The following L3MBTL1 variants were observed in gnomAD, a reference collection of about 807,000 sequenced individuals.
L3MBTL1 encodes the protein lethal(3)malignant brain tumor-like protein 1.
A neutral mutation model predicts 105.3 loss-of-function variants in L3MBTL1; 75 were observed. The ratio of observed to expected loss-of-function variants is 0.71; its 90% confidence interval spans 0.59 to 0.86. L3MBTL1 has a LOEUF of 0.86. Among genes scored for constraint, L3MBTL1 ranks in the 40% least tolerant of loss-of-function variants. L3MBTL1 has a pLI of 0.00. For synonymous variants in L3MBTL1, 452 were observed against 436.2 expected (o/e 1.04, Z -0.45); for missense variants, 1,069 against 1,126.4 (o/e 0.95, Z 0.73).
intron 3 of L3MBTL1, among the ~76,000 whole-genome samples, 186 bp downstream of exon 3, chr20:43,514,247 A>T (rs528503465): frequency 6.6e-6 from 1 of 150,950 alleles, no homozygotes; most frequent in Non-Finnish European, 1.5e-5. Context: ...GGCCCTGGGG[A>T]CTATGGGGGC....
rs1048198666 is a variant in L3MBTL1 at position 43,532,594 on chromosome 20, C to G, written c.1285-179C>G. 75 of 624,426 alleles carry G rather than the reference C, an allele frequency of 1.2e-4. 1 individual carries two copies. Among genetic ancestry groups the G allele is most frequent in the Non-Finnish European group, 1.8e-4 (68 of 368,280 alleles). 38.7% of individuals were successfully genotyped at this position (624,426 alleles called of 1,614,324 possible). A position where few individuals can be genotyped will look rare whatever the true frequency, so the allele number is the denominator to read the frequency against. ...GGAGGCCAGAGGTTCCTGAGTGCCT[C>G]AGGGCTCAGGTTATGATTCTGCCCT... On this transcript the variant is annotated intron_variant, in intron 11 of 21. Transcript: ENST00000418998.
intron 20 of L3MBTL1, 54 bp from the exon 21 acceptor site, chr20:43,540,699 C>G: frequency 6.4e-7 from 1 of 1,564,776 alleles, no homozygotes; most frequent in South Asian, 1.1e-5. Flanking sequence ...GGCCAGCTCT[C>G]CCTACATGCC....
At chr20:43,540,589 G>T (rs768497244) in intron 20 of L3MBTL1, among the ~76,000 whole-genome samples, 164 bp from the exon 21 acceptor site, 16 of 152,160 alleles carry the variant, frequency 1.1e-4, no homozygotes, top group Non-Finnish European at 2.1e-4. Flanking sequence ...GAAGCAAGGG[G>T]CCCAACTTGG....
At chr20:43,539,627 G>A (rs2019802736) in intron 19 of L3MBTL1, 1 of 215,640 alleles carries the variant, frequency 4.6e-6, no homozygotes, top group African/African-American at 2.3e-5. Context: ...TGGAGCTTGA[G>A]GCAATGGCAG....
chr20:43,520,645 A>G lies in L3MBTL1; in HGVS notation c.862+4468A>G, dbSNP rs186069223. Among the ~76,000 whole-genome samples, 248 of 152,346 alleles carry G rather than the reference A, an allele frequency of 1.6e-3. 1 individual carries two copies. Among genetic ancestry groups the G allele is most frequent in the African/African-American group, 5.9e-3 (247 of 41,576 alleles). On this transcript the variant is annotated intron_variant, in intron 7 of 21. Transcript: ENST00000418998. The stretch of plus-strand genomic sequence containing the variant: ...TTTGATTTGCATTTCCCTGATGGCT[A>G]ATGATGTTAGCATGTTTTCATGTGC...
chr20:43,528,623 C>A, intron 7 of L3MBTL1, 34 bp from the exon 8 acceptor site: 1 of 1,531,724 alleles, frequency 6.5e-7, no homozygotes, highest in Non-Finnish European at 9.0e-7. Flanking sequence ...TCAGGAACAG[C>A]CCAGGAGTTA....
At chr20:43,509,120 A>G (rs2145361692) in intron 1 of L3MBTL1, among the ~76,000 whole-genome samples, 1 of 152,232 alleles carries the variant, frequency 6.6e-6, no homozygotes, top group South Asian at 2.1e-4. Flanking sequence ...TTCCCAACCT[A>G]TAAATGTGGG....
chr20:43,546,350 C>T (rs1006217617), downstream of L3MBTL1, among the ~76,000 whole-genome samples: 14 of 152,214 alleles, frequency 9.2e-5, no homozygotes, highest in African/African-American at 3.1e-4. Flanking sequence ...TACCCCTACC[C>T]AGCTCTCACA....
In L3MBTL1 at chr20:43,540,810, G is replaced by T. The variant is rs2019875108; in HGVS notation, c.2389G>T (p.Asp797Tyr). 2.5e-6 allele frequency: 4 copies of T among 1,614,198 alleles called. No homozygotes were observed. The highest frequency in any genetic ancestry group is 2.5e-6 in the Non-Finnish European group (3 of 1,180,026). ...TGAGGACCAAGCACGCCTCTTCAAA[G>T]ACGAGGTAAGGTGCAAGTGCAGAGT... ...GCEDQARLFK[D>Y]EARIVRVTHV... is the part of the protein sequence containing the mutation. Residue 797 changes from aspartate to tyrosine, a missense_variant, in exon 21 of 22, where the codon GAC becomes TAC. Transcript: ENST00000418998.
At chr20:43,518,017 A>C (rs6103362) in intron 7 of L3MBTL1, among the ~76,000 whole-genome samples, 1 of 152,028 alleles carries the variant, frequency 6.6e-6, no homozygotes, top group East Asian at 1.9e-4. Context: ...GGGCTCAACT[A>C]CTGTATCTTA....
chr20:43,526,271 C>T (rs1342704033), intron 7 of L3MBTL1, among the ~76,000 whole-genome samples: 1 of 152,024 alleles, frequency 6.6e-6, no homozygotes, highest in Non-Finnish European at 1.5e-5. Context: ...GAAGAAATGG[C>T]TGTTGGGAAG....
At chr20:43,514,903 G>T in intron 4 of L3MBTL1, 106 bp from the exon 5 acceptor site, 1 of 1,474,208 alleles carries the variant, frequency 6.8e-7, no homozygotes, top group Non-Finnish European at 9.1e-7. Flanking sequence ...GAGGCCATCC[G>T]ATGCGGAGAT....
chr20:43,528,446 G>A (rs2019145341), intron 7 of L3MBTL1, among the ~76,000 whole-genome samples: 1 of 152,178 alleles, frequency 6.6e-6, no homozygotes, highest in Non-Finnish European at 1.5e-5. Flanking sequence ...GGGGGGAAGT[G>A]ACGGGCAGAA....
intron 3 of L3MBTL1, chr20:43,514,333 T>G: frequency 9.3e-7 from 1 of 1,076,960 alleles, no homozygotes; most frequent in Non-Finnish European, 1.3e-6. Flanking sequence ...GCACCCTGAG[T>G]GGGCCTGTGT....
Position 43,515,329 on chromosome 20 carries a change from G to T in L3MBTL1, c.691G>T (p.Ala231Ser), listed in dbSNP as rs767060691. 3 of 1,588,432 alleles carry T rather than the reference G, an allele frequency of 1.9e-6. No homozygotes were observed. The highest frequency in any genetic ancestry group is 2.3e-5 in the East Asian group (1 of 43,812). ...IVENSSGSTS[A>S]SELLKPMKKR... ...GGAGAACTCCTCAGGCTCTACCAGCGCTTCTGAGCTCCTCAAACCCATGAA... is the reference window on the plus strand; with the variant it reads ...GGAGAACTCCTCAGGCTCTACCAGCTCTTCTGAGCTCCTCAAACCCATGAA... The change falls in exon 6 of 22, where the codon GCT becomes TCT. Residue 231 changes from alanine to serine, a missense_variant. Transcript: ENST00000418998.
At chr20:43,549,149 T>A (rs1181903220) in exon 19 of L3MBTL1, 7 of 152,248 alleles carry the variant, frequency 4.6e-5, no homozygotes, top group Non-Finnish European at 8.8e-5. Context: ...CAATCTCGGG[T>A]CTTTGGCCAG....
downstream of L3MBTL1, among the ~76,000 whole-genome samples, chr20:43,546,882 A>T (rs983734431): frequency 6.6e-6 from 1 of 152,190 alleles, no homozygotes; most frequent in Non-Finnish European, 1.5e-5. Context: ...CTTTCTTTTC[A>T]TAACCACAAT....
In L3MBTL1 at chr20:43,540,162, G is replaced by C. The variant is rs775081513; in HGVS notation, c.2185G>C (p.Asp729His). ...CCTCTGCTTTCCAGCCCTCACGCCC[G>C]ATGTCGTGCACCAGTCCCTCTTCAT... ...PQEDFQTLTP[D>H]VVHQSLFMSA... Residue 729 changes from aspartate to histidine, a missense_variant, in exon 20 of 22, where the codon GAT becomes CAT. Physicochemically the swap from Asp to His is moderately conservative, Grantham distance 81 (BLOSUM62 -1). Coordinates refer to ENST00000418998, the MANE Select transcript of L3MBTL1 (RefSeq NM_001377303.1). 29 of 1,612,292 alleles carry C rather than the reference G, an allele frequency of 1.8e-5. No homozygotes were observed. Among genetic ancestry groups the C allele is most frequent in the Non-Finnish European group, 2.5e-5 (29 of 1,180,014 alleles).
chr20:43,514,943 G>C, intron 4 of L3MBTL1, 66 bp from the exon 5 acceptor site: 1 of 1,570,056 alleles, frequency 6.4e-7, no homozygotes, highest in Non-Finnish European at 8.7e-7. Flanking sequence ...GCCTGAGGGG[G>C]CGTGGGCGGA....
Sources: gnomAD v4.1 joint callset for allele counts (sites outside exome capture counted in the v4.1 genomes callset) on GRCh38, gnomAD v4.1.1 for gene constraint, MANE v1.5 for transcripts, NCBI Gene and HGNC (gene_info 2026-07-23, HGNC 2026-07-21) for gene names.